MAP3K5: variants seen among roughly 807,000 people sequenced by gnomAD.
The protein encoded by MAP3K5 is ASK-1.
In MAP3K5, 56 loss-of-function variants were observed where a neutral mutation model predicts 158.7. The observed-to-expected ratio is 0.35, with a 90% CI of 0.28 to 0.44. The LOEUF (loss-of-function observed/expected upper bound fraction) is 0.44. Ranked by LOEUF, MAP3K5 falls within the 20% of genes least tolerant of loss-of-function variation. The pLI, the probability that MAP3K5 is intolerant of heterozygous loss-of-function variation, is 1.00. For missense variants in MAP3K5, 1,294 were observed against 1,674.8 expected, an observed-to-expected ratio of 0.77 and a Z score of 3.97; for synonymous variants, 579 against 601.7, an observed-to-expected ratio of 0.96 and a Z score of 0.55.
intron 28 of MAP3K5, among the ~76,000 whole-genome samples, chr6:136,559,793 G>A (rs571124547): frequency 6.6e-6 from 1 of 152,224 alleles, no homozygotes; most frequent in Admixed American, 6.5e-5. Flanking sequence ...GCTTCCCAAA[G>A]TATTGGGATT....
chr6:136,611,182 G>A, intron 18 of MAP3K5, 100 bp downstream of exon 18: 1 of 501,680 alleles, frequency 2.0e-6, no homozygotes, highest in Non-Finnish European at 3.9e-6. Context: ...ACATTACTGT[G>A]TGTGAGAACA....
chr6:136,613,344 C>G lies in MAP3K5; in HGVS notation c.2279-88G>C. 1 of 1,221,612 alleles carries G rather than the reference C, an allele frequency of 8.2e-7. No individual in the cohort carries two copies. The allele number at this position is 1,221,612 out of a possible 1,614,324, so 75.7% of individuals were successfully genotyped here. ...ATAATGTAACAGTAATTTAAGCTAA[C>G]AGTCATTGGTTCTTCACAGTGGCCC... On this transcript the variant is annotated intron_variant, in intron 16 of 29. Transcript: ENST00000359015. This position sits in a 1 kb window ranked among gnomAD's most constrained non-coding sequence, Gnocchi z 4.0.
At chr6:136,784,946 C>T (rs1784778599) in intron 1 of MAP3K5, among the ~76,000 whole-genome samples, 1 of 152,116 alleles carries the variant, frequency 6.6e-6, no homozygotes, top group African/African-American at 2.4e-5. Context: ...ACTTATAATA[C>T]TCTTACTTGG....
intron 1 of MAP3K5, among the ~76,000 whole-genome samples, chr6:136,750,627 T>C (rs185257724): frequency 2.0e-5 from 3 of 152,356 alleles, no homozygotes; most frequent in Admixed American, 6.5e-5. Context: ...AGATTTAGAA[T>C]GTGTTGCTTT....
At chr6:136,653,266 A>G (rs1778600291) in intron 10 of MAP3K5, among the ~76,000 whole-genome samples, 4 of 152,266 alleles carry the variant, frequency 2.6e-5, no homozygotes, top group Admixed American at 2.6e-4. Context: ...TACCATTCAA[A>G]TCATTTCCCA....
chr6:136,726,507 C>A (rs1781972981), intron 1 of MAP3K5, among the ~76,000 whole-genome samples: 1 of 152,078 alleles, frequency 6.6e-6, no homozygotes, highest in Non-Finnish European at 1.5e-5. Context: ...GCACAAGCAT[C>A]ACTTGAACCT....
intron 14 of MAP3K5, chr6:136,636,709 G>A (rs1036655095): frequency 1.7e-4 from 83 of 477,728 alleles, no homozygotes; most frequent in East Asian, 3.1e-4. Flanking sequence ...TTGGGAGGCC[G>A]AGGTGGGAGG....
intron 11 of MAP3K5, among the ~76,000 whole-genome samples, chr6:136,650,034 T>C (rs549412130): frequency 6.6e-6 from 1 of 152,346 alleles, no homozygotes; most frequent in African/African-American, 2.4e-5. Context: ...CCATTGAATA[T>C]ACCTATACAT....
chr6:136,719,083 G>A (rs1262410470), intron 2 of MAP3K5, among the ~76,000 whole-genome samples: 1 of 152,152 alleles, frequency 6.6e-6, no homozygotes, highest in Non-Finnish European at 1.5e-5. Context: ...GGCTGAGGAG[G>A]GAGGATCACT....
chr6:136,679,728 T>C (rs1434459155), intron 7 of MAP3K5, among the ~76,000 whole-genome samples: 2 of 152,254 alleles, frequency 1.3e-5, no homozygotes, highest in Non-Finnish European at 2.9e-5. Context: ...TATGATCTGC[T>C]GTTTAATTGA....
At chr6:136,727,096 C>T (rs1175709518) in intron 1 of MAP3K5, among the ~76,000 whole-genome samples, 1 of 152,062 alleles carries the variant, frequency 6.6e-6, no homozygotes, top group African/African-American at 2.4e-5. Context: ...CTGCTGGGTA[C>T]CTTCTCAAAA....
intron 2 of MAP3K5, among the ~76,000 whole-genome samples, chr6:136,718,838 G>C (rs1236479954): frequency 6.6e-6 from 1 of 152,178 alleles, no homozygotes; most frequent in Non-Finnish European, 1.5e-5. Context: ...AATGTAGAAA[G>C]TAAAAAATCT....
At chr6:136,665,685 A>G (rs1779199625) in intron 8 of MAP3K5, among the ~76,000 whole-genome samples, 1 of 152,212 alleles carries the variant, frequency 6.6e-6, no homozygotes, top group Non-Finnish European at 1.5e-5. Context: ...GAACTACAGT[A>G]TCTCTGAAAG....
intron 21 of MAP3K5, among the ~76,000 whole-genome samples, chr6:136,595,065 C>A (rs2129082646): frequency 6.6e-6 from 1 of 152,284 alleles, no homozygotes; most frequent in East Asian, 1.9e-4. Context: ...AATAAAGGGA[C>A]TTACAGATAT....
chr6:136,605,218 A>C lies in MAP3K5; in HGVS notation c.2670T>G (p.Ala890=). ...AGAAATGAAGTGTGACCTTGAACAT[A>C]GCTGCTTGTGGTTCTCCCAGTTCAT... is the stretch of plus-strand genomic sequence containing the variant. The part of the protein sequence containing the change: ...PFYELGEPQA[A]MFKVGMFKVH... Residue 890 remains alanine (A), a synonymous_variant, in exon 19 of 30, where the codon GCT becomes GCG. Coordinates refer to ENST00000359015, the MANE Select transcript of MAP3K5 (RefSeq NM_005923.4). 6.2e-7 allele frequency: 1 copy of C among 1,613,798 alleles called. No individual in the cohort carries two copies. The highest frequency in any genetic ancestry group is 1.7e-5 in the Admixed American group (1 of 59,898).
chr6:136,639,941 T>C (rs1777844293), intron 12 of MAP3K5, among the ~76,000 whole-genome samples: 1 of 152,150 alleles, frequency 6.6e-6, no homozygotes, highest in Non-Finnish European at 1.5e-5. Context: ...ACTACACTAT[T>C]CTGTGTGCTG....
intron 1 of MAP3K5, among the ~76,000 whole-genome samples, chr6:136,760,531 T>C (rs1485357469): frequency 6.6e-6 from 1 of 152,234 alleles, no homozygotes; most frequent in Non-Finnish European, 1.5e-5. Context: ...ATTCAATAAA[T>C]ACTACTAAGG....
intron 14 of MAP3K5, among the ~76,000 whole-genome samples, chr6:136,625,422 A>G (rs1043003941): frequency 2.0e-5 from 3 of 152,206 alleles, no homozygotes; most frequent in Admixed American, 6.5e-5. Context: ...CCAGGCAAAG[A>G]GCAGAAACAC....
At chr6:136,566,420 AC>A (rs1316705929) in intron 26 of MAP3K5, among the ~76,000 whole-genome samples, 10 of 122,586 alleles carry the variant, frequency 8.2e-5, no homozygotes, top group Non-Finnish European at 2.0e-4. Flanking sequence ...TCCAAAAAAC[AC>A]CACCACTCAG....
Sources: gnomAD v4.1 joint callset for allele counts (sites outside exome capture counted in the v4.1 genomes callset) on GRCh38, gnomAD v4.1.1 for gene constraint, Gnocchi (gnomAD v3.1) non-coding constraint, MANE v1.5 for transcripts, NCBI Gene and HGNC (gene_info 2026-07-23, HGNC 2026-07-21) for gene names.